The following ZNF266 variants were observed in gnomAD, a reference collection of about 807,000 sequenced individuals.
ZNF266 encodes the protein zinc finger protein 1.
Under a neutral mutation model 16.4 loss-of-function variants are expected in ZNF266, and 16 were observed. The observed-to-expected ratio is 0.98, with a 90% CI of 0.66 to 1.48. The LOEUF (loss-of-function observed/expected upper bound fraction) is 1.48, where lower values mean the gene tolerates loss of function less well. Ranked by LOEUF, ZNF266 falls within the 40% of genes most tolerant of loss-of-function variation. ZNF266 has a pLI of 0.00. For synonymous variants in ZNF266, 262 were observed against 237.9 expected (o/e 1.10, Z -0.93); for missense variants, 738 against 689.1 (o/e 1.07, Z -0.79).
At chr19:9,416,231 T>C (rs1480932682) in intron 9 of ZNF266, among the ~76,000 whole-genome samples, 1 of 152,148 alleles carries the variant, frequency 6.6e-6, no homozygotes, top group Non-Finnish European at 1.5e-5. Context: ...GTCAAAATTT[T>C]ACATAGTTTA....
intron 5 of ZNF266, among the ~76,000 whole-genome samples, chr19:9,425,567 T>G (rs73013891): frequency 6.6e-6 from 1 of 152,244 alleles, no homozygotes; most frequent in Non-Finnish European, 1.5e-5. Context: ...GACCAGGCCT[T>G]CAGATTGCTC....
At chr19:9,416,796 C>T (rs2069100202) in intron 9 of ZNF266, among the ~76,000 whole-genome samples, 1 of 150,590 alleles carries the variant, frequency 6.6e-6, no homozygotes, top group South Asian at 2.1e-4. Flanking sequence ...CTCAGCCTCC[C>T]TAGTAGCTGG....
intron 8 of ZNF266, 29 bp downstream of exon 8, chr19:9,418,476 T>A (rs762437097): frequency 6.2e-7 from 1 of 1,612,638 alleles, no homozygotes; most frequent in Non-Finnish European, 8.5e-7. Context: ...TGTTCCATAG[T>A]AGGCTACAAG....
intron 9 of ZNF266, among the ~76,000 whole-genome samples, chr19:9,416,365 G>GT (rs746930588): frequency 0.034 from 3,221 of 93,642 alleles, 55 homozygotes; most frequent in African/African-American, 0.08. Flanking sequence ...TTTGTTTTTT[G>GT]TTTTTTTTTT....
At chr19:9,428,409 C>A (rs2071088724) in intron 5 of ZNF266, among the ~76,000 whole-genome samples, 1 of 152,196 alleles carries the variant, frequency 6.6e-6, no homozygotes, top group Non-Finnish European at 1.5e-5. Context: ...ACTCCTCCCT[C>A]CCACAGGTCC....
rs376673203 is a variant in ZNF266, at chr19:9,414,706, G to A, written c.420C>T (p.Asn140=). Reference sequence around the variant, plus strand: ...GCTTAACATCACTGACCTCCCCTCCGTTGTGGCTTCCTATCTGTTGATAAA... The same window carrying A: ...GCTTAACATCACTGACCTCCCCTCCATTGTGGCTTCCTATCTGTTGATAAA... ...SSGIQMIGSH[N]GGEVSDVKQC... The change falls in exon 11 of 11, where the codon AAC becomes AAT. Residue 140 remains asparagine, a synonymous_variant. Coordinates refer to ENST00000592904, the MANE Select transcript of ZNF266 (RefSeq NM_001370374.1). 1.0e-4 allele frequency: 159 copies of A among 1,568,040 alleles called. No individual in the cohort carries two copies. The highest frequency in any genetic ancestry group is 8.7e-4 in the African/African-American group (64 of 73,844).
At chr19:9,430,823 G>A (rs1047883510) in intron 5 of ZNF266, among the ~76,000 whole-genome samples, 1 of 152,164 alleles carries the variant, frequency 6.6e-6, no homozygotes, top group Non-Finnish European at 1.5e-5. Context: ...GGGAAAGCCT[G>A]AGGGATAAGG....
At position 9,413,220 on chromosome 19, in the gene ZNF266, T is replaced by A; in HGVS notation, c.*55A>T. ...TTACATTCATAGGGTTTCTCCCCAG[T>A]GAGTTTTCATGTCTTCAGAGAGAAC... On this transcript the variant is annotated 3_prime_UTR_variant, in exon 11 of 11. Coordinates refer to ENST00000592904, the MANE Select transcript of ZNF266 (RefSeq NM_001370374.1). 1 of 1,521,252 alleles carries A rather than the reference T, an allele frequency of 6.6e-7. No individual in the cohort carries two copies. Among genetic ancestry groups the A allele is most frequent in the Non-Finnish European group, 8.8e-7 (1 of 1,137,778 alleles). 94.2% of individuals were successfully genotyped at this position (1,521,252 alleles called of 1,614,324 possible). A position where few individuals can be genotyped will look rare whatever the true frequency, so the allele number is the denominator to read the frequency against.
chr19:9,415,363 C>G (rs775319604), intron 10 of ZNF266, among the ~76,000 whole-genome samples: 12 of 152,232 alleles, frequency 7.9e-5, no homozygotes, highest in Non-Finnish European at 1.6e-4. Flanking sequence ...CTGAGTCTCT[C>G]TCCAGAGTCA....
chr19:9,412,613 T>C lies in ZNF266; in HGVS notation c.*662A>G, dbSNP rs774080563. The C allele has an allele frequency of 2.6e-5, 4 of 152,206 alleles. No individual in the cohort carries two copies. Among genetic ancestry groups the C allele is most frequent in the Non-Finnish European group, 5.9e-5 (4 of 68,058 alleles). The allele number at this position is 152,206 out of a possible 1,614,324, so 9.4% of individuals were successfully genotyped here. A position where few individuals can be genotyped will look rare whatever the true frequency, so the allele number is the denominator to read the frequency against. The stretch of plus-strand genomic sequence containing the variant: ...GACTGAATGATTTAACCAAGAGAAA[T>C]TTATTGCCTCACAGTTCTGGAGCCT... On this transcript the variant is annotated 3_prime_UTR_variant, in exon 11 of 11. Transcript: ENST00000592904.
At chr19:9,432,253 C>T (rs1218659579) in intron 5 of ZNF266, among the ~76,000 whole-genome samples, 1 of 152,226 alleles carries the variant, frequency 6.6e-6, no homozygotes, top group Non-Finnish European at 1.5e-5. Context: ...GCCACTGCAC[C>T]TGGCTTACTT....
intron 5 of ZNF266, among the ~76,000 whole-genome samples, chr19:9,430,079 G>A (rs1457645672): frequency 8.1e-6 from 1 of 123,416 alleles, no homozygotes; most frequent in South Asian, 2.5e-4. Context: ...AGCCTTATCT[G>A]TACTTGCTAG....
chr19:9,433,811 T>C (rs1029307559), intron 4 of ZNF266, 25 bp from the exon 5 acceptor site: 1 of 149,370 alleles, frequency 6.7e-6, no homozygotes, highest in Non-Finnish European at 1.5e-5. Context: ...AATACAAAAA[T>C]ACAAAAATTA....
chr19:9,414,208 G>A lies in ZNF266; in HGVS notation c.918C>T (p.Pro306=), dbSNP rs1368395408. ...IHMGTHTGDN[P]YECKECGKAF... is the part of the protein sequence containing the mutation. ...CTTTCCCACACTCCTTACACTCATA[G>A]GGATTGTCTCCAGTGTGGGTTCCCA... Residue 306 remains proline (P), a synonymous_variant, in exon 11 of 11, where the codon CCC becomes CCT. Transcript: ENST00000592904. 6.2e-7 allele frequency: 1 copy of A among 1,614,162 alleles called. No individual in the cohort carries two copies. The highest frequency in any genetic ancestry group is 8.5e-7 in the Non-Finnish European group (1 of 1,180,026).
chr19:9,415,172 G>A (rs556342666), intron 10 of ZNF266, among the ~76,000 whole-genome samples: 44 of 152,292 alleles, frequency 2.9e-4, no homozygotes, highest in Admixed American at 1.8e-3. Context: ...GCACGTGCCT[G>A]TACTCCCAGC....
In ZNF266 at chr19:9,412,573, CT is replaced by C. The variant is rs1000236665; in HGVS notation, c.*701del. 6.6e-6 allele frequency: 1 copy of C among 152,196 alleles called. No homozygotes were observed. The highest frequency in any genetic ancestry group is 2.4e-5 in the African/African-American group (1 of 41,438). 9.4% of individuals were successfully genotyped at this position (152,196 alleles called of 1,614,324 possible). A position where few individuals can be genotyped will look rare whatever the true frequency, so the allele number is the denominator to read the frequency against. ...TCACAGTATTAGTTTCCTAGGGTTG[CT>C]GTACAAAATAACAGACTGAATGATT... On this transcript the variant is annotated 3_prime_UTR_variant, in exon 11 of 11. Transcript: ENST00000592904.
chr19:9,431,824 C>T (rs1367734803), intron 5 of ZNF266, among the ~76,000 whole-genome samples: 1 of 152,248 alleles, frequency 6.6e-6, no homozygotes, highest in African/African-American at 2.4e-5. Flanking sequence ...AGATCCCCAC[C>T]TGCTGGCATT....
intron 3 of ZNF266, 115 bp from the exon 4 acceptor site, chr19:9,434,350 A>C (rs564620563): frequency 1.3e-5 from 2 of 152,312 alleles, no homozygotes; most frequent in Non-Finnish European, 2.9e-5. Context: ...CCACTAGTTT[A>C]CAACCTCCCT....
chr19:9,421,182 T>C (rs537902333), intron 5 of ZNF266, among the ~76,000 whole-genome samples: 11 of 152,300 alleles, frequency 7.2e-5, no homozygotes, highest in Admixed American at 6.5e-4. Flanking sequence ...TCATTATCCA[T>C]GAACCAGATA....
Sources: allele counts gnomAD v4.1 joint callset (sites outside exome capture counted in the v4.1 genomes callset), GRCh38; gene constraint gnomAD v4.1.1; transcripts MANE v1.5; gene names NCBI Gene and HGNC (gene_info 2026-07-23, HGNC 2026-07-21).